The following SKAP1 variants were observed in gnomAD, a reference collection of about 807,000 sequenced individuals.
SKAP1 encodes the protein src kinase associated phosphoprotein 1.
Under a neutral mutation model 58.5 loss-of-function variants are expected in SKAP1, and 44 were observed. The observed-to-expected ratio is 0.75, with a 90% CI of 0.59 to 0.97. The LOEUF (loss-of-function observed/expected upper bound fraction) is 0.97, where lower values mean the gene tolerates loss of function less well. SKAP1 is among the 50% of genes least tolerant of loss of function. SKAP1 has a pLI of 0.00. For synonymous variants in SKAP1, 127 were observed against 149.7 expected, an observed-to-expected ratio of 0.85 and a Z score of 1.11; for missense variants, 390 against 435.2, an observed-to-expected ratio of 0.90 and a Z score of 0.92.
At chr17:48,205,003 TTC>T (rs1491026569) in intron 4 of SKAP1, among the ~76,000 whole-genome samples, 1 of 37,050 alleles carries the variant, frequency 2.7e-5, no homozygotes, top group African/African-American at 1.2e-4. Flanking sequence ...CTTTCTTTCT[TTC>T]TTTCTTTCTT....
At chr17:48,281,011 T>G (rs960815196) in intron 4 of SKAP1, among the ~76,000 whole-genome samples, 1 of 151,838 alleles carries the variant, frequency 6.6e-6, no homozygotes, top group Non-Finnish European at 1.5e-5. Flanking sequence ...TCAGGTTTTT[T>G]TACTTTTTTA....
intron 4 of SKAP1, among the ~76,000 whole-genome samples, chr17:48,251,988 G>T (rs1223828905): frequency 6.6e-6 from 1 of 152,186 alleles, no homozygotes; most frequent in Non-Finnish European, 1.5e-5. Flanking sequence ...TGTGATGCAT[G>T]TATTAAGTAT....
Position 48,168,405 on chromosome 17 carries a change from C to T in SKAP1, c.877+2204G>A, listed in dbSNP as rs993111468. On this transcript the variant is annotated intron_variant, in intron 10 of 12. Transcript: ENST00000336915. The stretch of plus-strand genomic sequence containing the variant: ...GGCGTGGTGGCTCATGCCTGTAATC[C>T]CAGCACTTTGGGAGGCCAAGACGGT... Among the ~76,000 whole-genome samples the T allele has an allele frequency of 4.6e-5, 7 of 152,288 alleles. No homozygotes were observed. The East Asian group carries it at 1.3e-3, about 29-fold the overall frequency.
upstream of SKAP1, among the ~76,000 whole-genome samples, chr17:48,431,088 C>A (rs1039481409): frequency 2.2e-4 from 34 of 152,170 alleles, no homozygotes; most frequent in African/African-American, 7.7e-4. Context: ...TACAATAGGT[C>A]AACTGCCATG....
intron 4 of SKAP1, among the ~76,000 whole-genome samples, chr17:48,297,974 C>T (rs1027769884): frequency 1.3e-5 from 2 of 152,128 alleles, no homozygotes; most frequent in Non-Finnish European, 2.9e-5. Context: ...AACCTGTTTC[C>T]TGTTTTCAGA....
chr17:48,349,715 A>G (rs2066773043), intron 3 of SKAP1, among the ~76,000 whole-genome samples: 1 of 152,124 alleles, frequency 6.6e-6, no homozygotes, highest in South Asian at 2.1e-4. Context: ...TGATTTCTCT[A>G]TTCTTTTCTG....
intron 7 of SKAP1, 73 bp from the exon 8 acceptor site, chr17:48,182,530 G>A (rs1048153639): frequency 1.9e-6 from 2 of 1,046,076 alleles, no homozygotes. Context: ...GATGTCCAAG[G>A]GGGAGGAACC....
rs548294708 is a variant in SKAP1 at position 48,159,729 on chromosome 17, G to A, written c.978+2740C>T. Among the ~76,000 whole-genome samples the A allele has an allele frequency of 2.6e-5, 4 of 152,286 alleles. No homozygotes were observed. In the East Asian group the frequency reaches 7.7e-4, roughly 29 times the overall value. On this transcript the variant is annotated intron_variant, in intron 11 of 12. Coordinates refer to ENST00000336915, the MANE Select transcript of SKAP1 (RefSeq NM_003726.4). ...TCTCGTTTTCTATCTGTTTGAATTT[G>A]TTCATTTGTGCTTCTTAGAAGCAAG...
chr17:48,401,027 C>T (rs1267012590), intron 1 of SKAP1, among the ~76,000 whole-genome samples: 4 of 151,990 alleles, frequency 2.6e-5, no homozygotes, highest in South Asian at 2.1e-4. Context: ...AGACAATGGC[C>T]GGGCGTGTTG....
In SKAP1 at chr17:48,246,050, C is replaced by T. The variant is rs890696651; in HGVS notation, c.281-56550G>A. Among the ~76,000 whole-genome samples, 13 of 152,204 alleles carry T rather than the reference C, an allele frequency of 8.5e-5. No homozygotes were observed. The East Asian group carries it at 1.4e-3, about 16-fold the overall frequency. On this transcript the variant is annotated intron_variant, in intron 4 of 12. Transcript: ENST00000336915. ...TTTACAATAATAATGCCTTTCTCAA[C>T]GGGTTGCTATAAATTAAAATACATA...
intron 4 of SKAP1, among the ~76,000 whole-genome samples, chr17:48,279,138 G>A (rs12946679): frequency 0.029 from 4,429 of 152,138 alleles, 246 homozygotes; most frequent in African/African-American, 0.1. Context: ...GCAAGGTGAC[G>A]GTATTCTTAA....
chr17:48,342,846 G>A (rs931070912), intron 4 of SKAP1, among the ~76,000 whole-genome samples: 6 of 152,126 alleles, frequency 3.9e-5, no homozygotes, highest in African/African-American at 1.2e-4. Flanking sequence ...TTAGCCAGGC[G>A]CGGTGGCCGG....
intron 4 of SKAP1, among the ~76,000 whole-genome samples, chr17:48,316,018 C>T (rs764943883): frequency 1.1e-4 from 17 of 152,248 alleles, no homozygotes; most frequent in Non-Finnish European, 2.4e-4. Flanking sequence ...TTCCTCCCAT[C>T]GCCTATGGAT....
At chr17:48,138,894 A>AT (rs200111005) in intron 11 of SKAP1, among the ~76,000 whole-genome samples, 2,262 of 149,718 alleles carry the variant, frequency 0.015, 29 homozygotes, top group African/African-American at 0.033. Flanking sequence ...TGAAAAAAAA[A>AT]TTTTTTTTTT....
At chr17:48,310,880 A>T (rs1239895646) in intron 4 of SKAP1, among the ~76,000 whole-genome samples, 1 of 152,194 alleles carries the variant, frequency 6.6e-6, no homozygotes, top group African/African-American at 2.4e-5. Flanking sequence ...CTGGGTTCAT[A>T]AACAGGTGAA....
intron 11 of SKAP1, among the ~76,000 whole-genome samples, chr17:48,137,748 C>T (rs41336845): frequency 0.14 from 21,210 of 152,150 alleles, 2,037 homozygotes; most frequent in Non-Finnish European, 0.2. Flanking sequence ...TGTTTGAGTT[C>T]CCATGAGGTA....
intron 2 of SKAP1, among the ~76,000 whole-genome samples, chr17:48,382,914 A>G (rs2067233716): frequency 6.6e-6 from 1 of 152,208 alleles, no homozygotes; most frequent in Non-Finnish European, 1.5e-5. Flanking sequence ...TAATAAATTG[A>G]AAACAAACCT....
intron 11 of SKAP1, among the ~76,000 whole-genome samples, chr17:48,157,478 G>A (rs1440930165): frequency 6.6e-6 from 1 of 150,552 alleles, no homozygotes; most frequent in Non-Finnish European, 1.5e-5. Context: ...CAGGTGATCT[G>A]CCCGCCTCGG....
At chr17:48,241,251 G>C (rs1329629910) in intron 4 of SKAP1, among the ~76,000 whole-genome samples, 1 of 151,998 alleles carries the variant, frequency 6.6e-6, no homozygotes, top group African/African-American at 2.4e-5. Context: ...CTGACCCCTG[G>C]ATGAACTCTG....
Sources: allele counts gnomAD v4.1 joint callset (sites outside exome capture counted in the v4.1 genomes callset), GRCh38; gene constraint gnomAD v4.1.1; transcripts MANE v1.5; gene names NCBI Gene and HGNC (gene_info 2026-07-23, HGNC 2026-07-21).